Variants in ADGRV1 observed in about 807,000 individuals in gnomAD.
The protein encoded by ADGRV1 is G-protein coupled receptor 98.
A neutral mutation model predicts 596.2 loss-of-function variants in ADGRV1; 359 were observed. That is an observed-to-expected ratio of 0.60 (90% confidence interval 0.55 to 0.66). The LOEUF is 0.66. Among genes scored for constraint, ADGRV1 ranks in the 30% least tolerant of loss-of-function variants. The pLI is 0.00. For missense variants in ADGRV1, 7,274 were observed against 7,575.6 expected (o/e 0.96, Z 1.48); for synonymous variants, 2,681 against 2,679.2 (o/e 1.00, Z -0.02).
At chr5:90,821,661 T>C (rs1320815819) in intron 75 of ADGRV1, among the ~76,000 whole-genome samples, 1 of 151,734 alleles carries the variant, frequency 6.6e-6, no homozygotes, top group East Asian at 1.9e-4. Context: ...GCAGGTCTGT[T>C]GGAATAGCCT....
chr5:90,716,622 A>G lies in ADGRV1; in HGVS notation c.9340A>G (p.Thr3114Ala). ...GGAACCTGCACAAGGATTGTTTGGA[A>G]CAGTGACAGTTCAGTTCATTGTGAC... is the stretch of plus-strand genomic sequence containing the variant. ...VREPAQGLFG[T>A]VTVQFIVTEV... The change falls in exon 43 of 90, where the codon ACA (threonine) becomes GCA (alanine). Residue 3114 changes from threonine (T) to alanine (A), a missense_variant. Thr to Ala is a moderately conservative substitution (Grantham distance 58). Coordinates refer to ENST00000405460, the MANE Select transcript of ADGRV1 (RefSeq NM_032119.4). The G allele has an allele frequency of 1.9e-6, 3 of 1,613,846 alleles. No homozygotes were observed. The highest frequency in any genetic ancestry group is 2.5e-6 in the Non-Finnish European group (3 of 1,179,750).
At position 90,729,682 on chromosome 5, in the gene ADGRV1, A is replaced by G. The variant is rs1237835673; in HGVS notation, c.10467A>G (p.Gly3489=). The change falls in exon 50 of 90, where the codon GGA becomes GGG. Residue 3489 remains glycine (G), a synonymous_variant. Coordinates refer to ENST00000405460, the MANE Select transcript of ADGRV1 (RefSeq NM_032119.4). ...NSIDIFIWEM[G]QSSFRYFQSV... ...TTGATATTTTCATCTGGGAGATGGG[A>G]CAGTCTTCCTTCAGGTATTTTCAGT... 6.2e-7 allele frequency: 1 copy of G among 1,606,456 alleles called. No individual in the cohort carries two copies. The highest frequency in any genetic ancestry group is 1.1e-5 in the South Asian group (1 of 90,660).
chr5:91,119,378 G>T (rs562055738), intron 87 of ADGRV1, among the ~76,000 whole-genome samples: 2 of 152,286 alleles, frequency 1.3e-5, no homozygotes, highest in Admixed American at 6.5e-5. Context: ...GAAGAAAAAT[G>T]TAGGCACACC....
intron 70 of ADGRV1, chr5:90,791,881 G>A (rs1389039479): frequency 6.5e-6 from 1 of 153,266 alleles, no homozygotes; most frequent in Non-Finnish European, 1.5e-5. Context: ...GATCTGGGGT[G>A]GGTGATCAGA....
chr5:91,007,123 T>C (rs1414460421), intron 85 of ADGRV1, among the ~76,000 whole-genome samples: 1 of 152,190 alleles, frequency 6.6e-6, no homozygotes, highest in African/African-American at 2.4e-5. Flanking sequence ...CCTTAACTAA[T>C]CGTAATTAAA....
At chr5:91,122,801 C>A (rs1399719487) in intron 87 of ADGRV1, among the ~76,000 whole-genome samples, 1 of 152,212 alleles carries the variant, frequency 6.6e-6, no homozygotes, top group African/African-American at 2.4e-5. Flanking sequence ...CTCTTGCCCC[C>A]TCTCCGCTAC....
chr5:90,770,677 A>T (rs970066014), intron 59 of ADGRV1, among the ~76,000 whole-genome samples: 4 of 152,144 alleles, frequency 2.6e-5, no homozygotes, highest in African/African-American at 9.7e-5. Context: ...GTAAAAATAT[A>T]TGTGCTCATG....
chr5:90,706,203 A>G, intron 37 of ADGRV1, 28 bp from the exon 38 acceptor site: 3 of 1,578,522 alleles, frequency 1.9e-6, no homozygotes, highest in Non-Finnish European at 2.6e-6. Flanking sequence ...AGATAATTAT[A>G]AAACATTTTT....
rs1131691924 is a variant in ADGRV1 at position 90,791,194 on chromosome 5, C to T, written c.14365C>T (p.Arg4789Trp). The T allele has an allele frequency of 5.6e-6, 9 of 1,613,792 alleles. No individual in the cohort carries two copies. Among genetic ancestry groups the T allele is most frequent in the African/African-American group, 1.3e-5 (1 of 74,924 alleles). ...LIRSIQINIT[R>W]LAGTFGDVAV... is the part of the protein sequence containing the mutation. ...TAGATCCATCCAAATTAACATAACC[C>T]GGCTTGCTGGAACATTTGGAGATGT... is the stretch of plus-strand genomic sequence containing the variant. Residue 4789 changes from arginine (R) to tryptophan (W), a missense_variant, in exon 70 of 90, where the codon CGG (arginine) becomes TGG (tryptophan). Physicochemically the swap from Arg to Trp is moderately radical, Grantham distance 101. Transcript: ENST00000405460.
At chr5:90,969,917 A>G (rs1452799504) in intron 84 of ADGRV1, among the ~76,000 whole-genome samples, 1 of 152,228 alleles carries the variant, frequency 6.6e-6, no homozygotes, top group Non-Finnish European at 1.5e-5. Context: ...GAGCCGAAGC[A>G]GGGCGAGGCA....
intron 83 of ADGRV1, among the ~76,000 whole-genome samples, chr5:90,960,142 AAAAAAAAAAAAC>A (rs1343630295): frequency 1.4e-5 from 2 of 138,894 alleles, no homozygotes; most frequent in African/African-American, 3.0e-5. Flanking sequence ...CATCTCAAAA[AAAAAAAAAAAAC>A]AAAAAACAGA....
At position 90,774,168 on chromosome 5, in the gene ADGRV1, T is replaced by G; in HGVS notation, c.12286-18T>G. 2 of 1,445,934 alleles carry G rather than the reference T, an allele frequency of 1.4e-6. No individual in the cohort carries two copies. Among genetic ancestry groups the G allele is most frequent in the Non-Finnish European group, 1.9e-6 (2 of 1,039,910 alleles). The allele number at this position is 1,445,934 out of a possible 1,614,324, so 89.6% of individuals were successfully genotyped here. A position where few individuals can be genotyped will look rare whatever the true frequency, so the allele number is the denominator to read the frequency against. On this transcript the variant is annotated intron_variant, in intron 59 of 89. Transcript: ENST00000405460. ...TTGGTCAATCTGGAAAATGCACTGT[T>G]TCTGTCATTGGATGTAGACTGAGTC...
chr5:90,604,191 T>A (rs896725640), intron 1 of ADGRV1, among the ~76,000 whole-genome samples: 3 of 152,012 alleles, frequency 2.0e-5, no homozygotes, highest in African/African-American at 7.2e-5. Flanking sequence ...AAATTTTAAA[T>A]CTTGGCAAAA....
chr5:90,707,469 G>T (rs2149701633), intron 38 of ADGRV1, among the ~76,000 whole-genome samples: 1 of 152,146 alleles, frequency 6.6e-6, no homozygotes, highest in South Asian at 2.1e-4. Flanking sequence ...ATTATAAGTG[G>T]TGTAAACCAT....
chr5:90,563,276 A>G (rs1407504802), intron 1 of ADGRV1, among the ~76,000 whole-genome samples: 1 of 152,228 alleles, frequency 6.6e-6, no homozygotes, highest in Non-Finnish European at 1.5e-5. Context: ...GTTACATGCA[A>G]CGAAGTACTT....
intron 76 of ADGRV1, among the ~76,000 whole-genome samples, chr5:90,826,577 C>G (rs949921317): frequency 3.2e-4 from 49 of 152,002 alleles, no homozygotes; most frequent in African/African-American, 1.2e-3. Flanking sequence ...GTTCTTAGCA[C>G]AGCTCTCGGC....
In ADGRV1 at chr5:90,691,041, G is replaced by C; in HGVS notation, c.6951G>C (p.Glu2317Asp). ...VLADDVPEIE[E>D]VIQVQLTDAS... ...CTGACGACGTTCCGGAGATTGAAGA[G>C]GTGAGAGGACTGGCTAGTATAGAAT... Residue 2317 changes from glutamate to aspartate, a missense_variant and splice_region_variant, in exon 31 of 90, where the codon GAG becomes GAC. Transcript: ENST00000405460. 1.2e-6 allele frequency: 2 copies of C among 1,613,558 alleles called. No homozygotes were observed. Among genetic ancestry groups the C allele is most frequent in the Non-Finnish European group, 1.7e-6 (2 of 1,179,644 alleles).
chr5:90,967,760 A>G (rs531246949), intron 84 of ADGRV1, among the ~76,000 whole-genome samples: 51 of 152,334 alleles, frequency 3.3e-4, no homozygotes, highest in African/African-American at 1.1e-3. Context: ...ATTAAAAACT[A>G]GAGTGAAAGA....
chr5:91,084,978 G>A (rs975018311), intron 86 of ADGRV1, among the ~76,000 whole-genome samples: 1 of 152,128 alleles, frequency 6.6e-6, no homozygotes, highest in Non-Finnish European at 1.5e-5. Flanking sequence ...CTATCACAAG[G>A]ACAGAAAAGC....
Sources: gnomAD v4.1 joint callset for allele counts (sites outside exome capture counted in the v4.1 genomes callset) on GRCh38, gnomAD v4.1.1 for gene constraint, MANE v1.5 for transcripts, NCBI Gene and HGNC (gene_info 2026-07-23, HGNC 2026-07-21) for gene names.